The following TTC21B variants were observed in gnomAD, a reference collection of about 807,000 sequenced individuals.
TTC21B encodes tetratricopeptide repeat protein 21B.
In TTC21B, 127 loss-of-function variants were observed where a neutral mutation model predicts 175.1. That is an observed-to-expected ratio of 0.73 (90% CI 0.63 to 0.84). The LOEUF (loss-of-function observed/expected upper bound fraction) is 0.84. Ranked by LOEUF, TTC21B falls within the 40% of genes least tolerant of loss-of-function variation. TTC21B has a pLI of 0.00. For missense variants in TTC21B, 1,561 were observed against 1,558.3 expected (o/e 1.00, Z -0.03); for synonymous variants, 524 against 524.5 (o/e 1.00, Z 0.01).
At chr2:165,911,241 G>A (rs1574093742) in intron 18 of TTC21B, 86 bp downstream of exon 18, 8 of 1,504,340 alleles carry the variant, frequency 5.3e-6, no homozygotes, top group African/African-American at 1.4e-5. Flanking sequence ...ATAAAATATT[G>A]AGAATACAAA....
chr2:165,921,234 T>C (rs1330342556), intron 12 of TTC21B, among the ~76,000 whole-genome samples: 1 of 152,088 alleles, frequency 6.6e-6, no homozygotes, highest in Non-Finnish European at 1.5e-5. Context: ...GGAGATTGAA[T>C]TCAATCATAT....
intron 25 of TTC21B, among the ~76,000 whole-genome samples, chr2:165,884,542 A>G (rs1684944351): frequency 1.3e-5 from 2 of 152,092 alleles, no homozygotes; most frequent in South Asian, 2.1e-4. Context: ...TCTTCTCCCA[A>G]TAAAGTTTGA....
rs34486024 is a variant in TTC21B, at chr2:165,949,632, G to C, written c.114C>G (p.Val38=). 1.5e-3 allele frequency: 2,464 copies of C among 1,613,594 alleles called. 37 individuals are homozygous for C. In the African/African-American group the frequency reaches 0.03, roughly 20 times the overall value. ...TGCCATAGGCATGATAAAACCTGAA[G>C]ACTGGATCACTTCCATACCTCTTAA... The part of the protein sequence containing the change: ...EGIKRYGSDP[V]FRFYHAYGTL... The change falls in exon 2 of 29, where the codon GTC becomes GTG. Residue 38 remains valine, a synonymous_variant. Transcript: ENST00000243344.
At chr2:165,890,704 T>C (rs1019415210) in intron 23 of TTC21B, 64 bp from the exon 24 acceptor site, 3 of 1,567,964 alleles carry the variant, frequency 1.9e-6, no homozygotes, top group African/African-American at 2.7e-5. Flanking sequence ...TATTAGTTTA[T>C]AATCTGTCTG....
chr2:165,943,852 A>G (rs1687455055), intron 4 of TTC21B, among the ~76,000 whole-genome samples: 1 of 152,170 alleles, frequency 6.6e-6, no homozygotes, highest in African/African-American at 2.4e-5. Flanking sequence ...AGCCTGAGAA[A>G]TTATAAACTG....
chr2:165,947,193 T>TATATATATATATA (rs61351063), intron 3 of TTC21B: 27 of 134,670 alleles, frequency 2.0e-4, no homozygotes, highest in East Asian at 7.2e-4. Flanking sequence ...TATATATATA[T>TATATATATATATA]TAGTATCTGC....
In TTC21B at chr2:165,899,361, C is replaced by T. The variant is rs188182119; in HGVS notation, c.2868+409G>A. Among the ~76,000 whole-genome samples, 5 of 152,300 alleles carry T rather than the reference C, an allele frequency of 3.3e-5. No individual in the cohort carries two copies. In the South Asian group the frequency reaches 8.3e-4, roughly 25 times the overall value. Reference sequence around the variant, plus strand: ...AATAAAAAACTCTATTCAAAACAGACTGTCTTAGACTGATAATATGAAGTT... The same window carrying T: ...AATAAAAAACTCTATTCAAAACAGATTGTCTTAGACTGATAATATGAAGTT... On this transcript the variant is annotated intron_variant, in intron 21 of 28. Transcript: ENST00000243344.
intron 17 of TTC21B, 115 bp downstream of exon 17, chr2:165,912,399 A>G: frequency 1.2e-6 from 1 of 819,460 alleles, no homozygotes; most frequent in African/African-American, 1.7e-5. Flanking sequence ...GTTCATAAAT[A>G]CAGATTTGGA....
At chr2:165,929,378 A>G (rs773004128) in intron 10 of TTC21B, 43 bp from the exon 11 acceptor site, 43 of 1,485,276 alleles carry the variant, frequency 2.9e-5, no homozygotes, top group Non-Finnish European at 3.8e-5. Context: ...ATTTAGTTAT[A>G]AAGCCATTTA....
intron 3 of TTC21B, chr2:165,947,448 A>C (rs1341261371): frequency 6.6e-6 from 1 of 151,740 alleles, no homozygotes; most frequent in African/African-American, 2.4e-5. Flanking sequence ...AAGTCTACAG[A>C]TTGCTTAGCA....
At chr2:165,899,107 A>C (rs1459736975) in intron 21 of TTC21B, among the ~76,000 whole-genome samples, 2 of 152,222 alleles carry the variant, frequency 1.3e-5, no homozygotes, top group East Asian at 3.8e-4. Flanking sequence ...GGACCTGACT[A>C]AAATAATAAT....
At chr2:165,896,342 T>C (rs187776687) in intron 22 of TTC21B, among the ~76,000 whole-genome samples, 10 of 152,046 alleles carry the variant, frequency 6.6e-5, no homozygotes, top group African/African-American at 2.4e-4. Context: ...TCTCCCTCAC[T>C]CTTCTTTCCA....
chr2:165,890,400 T>A, intron 24 of TTC21B, 79 bp downstream of exon 24: 2 of 1,357,442 alleles, frequency 1.5e-6, no homozygotes, highest in Non-Finnish European at 2.1e-6. Flanking sequence ...ATCCTAAATT[T>A]AGTTCTTTTG....
intron 8 of TTC21B, among the ~76,000 whole-genome samples, chr2:165,931,153 G>A (rs2105346396): frequency 6.6e-6 from 1 of 152,092 alleles, no homozygotes; most frequent in Non-Finnish European, 1.5e-5. Flanking sequence ...AGAAAATTCA[G>A]TATATTCATG....
Position 165,915,415 on chromosome 2 carries a change from C to T in TTC21B, c.1924G>A (p.Asp642Asn). ...EQHEATKVLQ[D>N]AIHEFSGTSE... Reference sequence around the variant, plus strand: ...GTTCCAGAAAATTCATGGATGGCATCTTGTAAAACTTTGGTTGCCTCATGC... The same window carrying T: ...GTTCCAGAAAATTCATGGATGGCATTTTGTAAAACTTTGGTTGCCTCATGC... The change falls in exon 15 of 29, where the codon GAT becomes AAT. Residue 642 changes from aspartate (D) to asparagine (N), a missense_variant. Coordinates refer to ENST00000243344, the MANE Select transcript of TTC21B (RefSeq NM_024753.5). 1 of 1,614,046 alleles carries T rather than the reference C, an allele frequency of 6.2e-7. No individual in the cohort carries two copies.
rs746477309 is a variant in TTC21B at position 165,890,582 on chromosome 2, C to T, written c.3160G>A (p.Asp1054Asn). The change falls in exon 24 of 29, where the codon GAC (aspartate) becomes AAC (asparagine). Residue 1054 changes from aspartate to asparagine, a missense_variant. Transcript: ENST00000243344. ...RHFNKARKDR[D>N]WGQNALYNMI... Reference sequence around the variant, plus strand: ...TTATAAAGGGCATTTTGGCCCCAGTCACGATCTTTCCGAGCTTTATTAAAA... The same window carrying T: ...TTATAAAGGGCATTTTGGCCCCAGTTACGATCTTTCCGAGCTTTATTAAAA... The T allele has an allele frequency of 6.2e-6, 10 of 1,613,632 alleles. No homozygotes were observed. Among genetic ancestry groups the T allele is most frequent in the Non-Finnish European group, 8.5e-6 (10 of 1,179,778 alleles).
At chr2:165,942,024 T>G (rs1316668513) in intron 5 of TTC21B, among the ~76,000 whole-genome samples, 2 of 152,174 alleles carry the variant, frequency 1.3e-5, no homozygotes, top group African/African-American at 4.8e-5. Flanking sequence ...AAAGAGATGA[T>G]GAGGCAAATT....
intron 15 of TTC21B, among the ~76,000 whole-genome samples, chr2:165,914,799 T>C (rs1015192228): frequency 1.3e-5 from 2 of 151,996 alleles, no homozygotes; most frequent in African/African-American, 4.8e-5. Flanking sequence ...GCATGGTACA[T>C]ACTAAAATAA....
chr2:165,930,732 G>GTGTGTGTGTGTGTGTGTGTGT lies in TTC21B; in HGVS notation c.895-369_895-368insACACACACACACACACACACA. Among the ~76,000 whole-genome samples the GTGTGTGTGTGTGTGTGTGTGT allele has an allele frequency of 2.9e-3, 318 of 110,644 alleles. 43 individuals are homozygous for GTGTGTGTGTGTGTGTGTGTGT. The highest frequency in any genetic ancestry group is 4.0e-3 in the Non-Finnish European group (194 of 48,162). The allele number at this position is 110,644 out of a possible 152,430, so 72.6% of individuals were successfully genotyped here. On this transcript the variant is annotated intron_variant, in intron 8 of 28. Transcript: ENST00000243344. Reference sequence around the variant, plus strand: ...TATTTTATGGTTACGTGGGTATGGGGGTGTGTGTGTGTGTGTGTGTGTGTG... The same window carrying GTGTGTGTGTGTGTGTGTGTGT: ...TATTTTATGGTTACGTGGGTATGGGGTGTGTGTGTGTGTGTGTGTGTGTGTGTGTGTGTGTGTGTGTGTGTG...
Sources: gnomAD v4.1 joint callset for allele counts (sites outside exome capture counted in the v4.1 genomes callset) on GRCh38, gnomAD v4.1.1 for gene constraint, MANE v1.5 for transcripts, NCBI Gene and HGNC (gene_info 2026-07-23, HGNC 2026-07-21) for gene names.